The following CMSS1 variants were observed in gnomAD, a reference collection of about 807,000 sequenced individuals.
CMSS1 encodes the protein protein CMSS1.
CMSS1 carries 33 observed loss-of-function variants against 43.5 expected under a neutral mutation model. The ratio of observed to expected loss-of-function variants is 0.76; its 90% CI spans 0.57 to 1.01. The LOEUF is 1.01. Ranked by LOEUF, CMSS1 falls within the 50% of genes least tolerant of loss-of-function variation. The pLI is 0.00. For missense variants in CMSS1, 313 were observed against 326.4 expected (o/e 0.96, Z 0.32); for synonymous variants, 115 against 117.2 (o/e 0.98, Z 0.12).
At chr3:100,057,447 T>C (rs1263085667) in intron 1 of CMSS1, among the ~76,000 whole-genome samples, 1 of 152,226 alleles carries the variant, frequency 6.6e-6, no homozygotes, top group Non-Finnish European at 1.5e-5. Context: ...TAAATTGGAA[T>C]GGACAGAGTT....
intron 1 of CMSS1, among the ~76,000 whole-genome samples, chr3:100,024,891 A>T (rs17392822): frequency 3.9e-5 from 6 of 152,164 alleles, no homozygotes; most frequent in African/African-American, 1.4e-4. Flanking sequence ...CTTTCAAGCT[A>T]TCAGGGCACC....
Position 100,167,786 on chromosome 3 carries a change from C to A in CMSS1, c.464C>A (p.Ser155Ter). Residue 155 changes from serine to a stop codon, truncating the protein, a stop_gained, in exon 6 of 10, where the codon TCG becomes TAG. Coordinates refer to ENST00000421999, the MANE Select transcript of CMSS1 (RefSeq NM_032359.4). LOFTEE classifies it high-confidence loss of function. ...KLRKNHSEKK[S>*]VLMLIICSSA... ...AGGAAGAACCACAGTGAGAAGAAAT[C>A]GGTCCTGATGCTGATCATCTGCAGC... 6.2e-7 allele frequency: 1 copy of A among 1,613,226 alleles called. No homozygotes were observed.
intron 1 of CMSS1, among the ~76,000 whole-genome samples, chr3:100,131,075 G>T (rs1420160908): frequency 6.6e-6 from 1 of 152,216 alleles, no homozygotes; most frequent in African/African-American, 2.4e-5. Flanking sequence ...GAATTCACTT[G>T]TGTGCCAGAC....
chr3:100,050,220 T>G (rs1421558894), intron 1 of CMSS1, among the ~76,000 whole-genome samples: 2 of 152,176 alleles, frequency 1.3e-5, no homozygotes, highest in East Asian at 3.8e-4. Flanking sequence ...GAAGAATCCT[T>G]CTTAAAAATA....
At chr3:99,992,798 A>G (rs967424469) in intron 1 of CMSS1, among the ~76,000 whole-genome samples, 5 of 152,068 alleles carry the variant, frequency 3.3e-5, no homozygotes, top group African/African-American at 1.2e-4. Flanking sequence ...ATGGTTTCAG[A>G]TCTTACATTT....
At chr3:100,075,669 AT>A (rs1428779922) in intron 1 of CMSS1, 8 of 151,900 alleles carry the variant, frequency 5.3e-5, no homozygotes. Context: ...AACATCTATA[AT>A]ATAAATTCTC....
At chr3:100,171,941 C>T (rs2067113751) in intron 7 of CMSS1, 42 bp downstream of exon 7, 1 of 1,487,804 alleles carries the variant, frequency 6.7e-7, no homozygotes, top group South Asian at 1.1e-5. Context: ...CTCTCCCAGA[C>T]CTCAGCTTTT....
At chr3:100,168,273 G>GAATCATCATT (rs2067081061) in intron 6 of CMSS1, among the ~76,000 whole-genome samples, 1 of 152,148 alleles carries the variant, frequency 6.6e-6, no homozygotes, top group African/African-American at 2.4e-5. Context: ...TACTTGATCT[G>GAATCATCATT]AATCATCATT....
chr3:100,040,851 G>A (rs1220911489), intron 1 of CMSS1: 1 of 152,190 alleles, frequency 6.6e-6, no homozygotes, highest in Non-Finnish European at 1.5e-5. Context: ...CTTTGTCAGT[G>A]GCTGGGTAGA....
At chr3:100,125,912 C>T (rs2066658590) in intron 1 of CMSS1, among the ~76,000 whole-genome samples, 1 of 152,082 alleles carries the variant, frequency 6.6e-6, no homozygotes, top group Non-Finnish European at 1.5e-5. Context: ...GAAAATGGTG[C>T]TCTGGAACAA....
intron 1 of CMSS1, among the ~76,000 whole-genome samples, chr3:100,063,381 T>C (rs1313764502): frequency 6.6e-6 from 1 of 152,214 alleles, no homozygotes; most frequent in African/African-American, 2.4e-5. Flanking sequence ...TTACTATATA[T>C]CTGAATTATT....
rs1309185731 is a variant in CMSS1, at chr3:100,042,643, A to G, written c.65-104330A>G. On this transcript the variant is annotated intron_variant, in intron 1 of 9. Transcript: ENST00000421999. Reference sequence around the variant, plus strand: ...TTCCAACCATGCCAGATGATACTGTATTTACTGAAGAATTTTATTGCCTTT... The same window carrying G: ...TTCCAACCATGCCAGATGATACTGTGTTTACTGAAGAATTTTATTGCCTTT... Among the ~76,000 whole-genome samples, 4 of 152,234 alleles carry G rather than the reference A, an allele frequency of 2.6e-5. 1 individual carries two copies. Among genetic ancestry groups the G allele is most frequent in the Non-Finnish European group, 1.5e-5 (1 of 68,038 alleles).
At chr3:99,941,331 T>C (rs982862476) in intron 1 of CMSS1, among the ~76,000 whole-genome samples, 1 of 152,226 alleles carries the variant, frequency 6.6e-6, no homozygotes, top group Admixed American at 6.5e-5. Flanking sequence ...TAGGAAATAC[T>C]GTAAATAATG....
At chr3:99,878,345 C>T (rs1244075921) in intron 1 of CMSS1, among the ~76,000 whole-genome samples, 1 of 152,220 alleles carries the variant, frequency 6.6e-6, no homozygotes, top group African/African-American at 2.4e-5. Context: ...TGATATGATC[C>T]ATTCTTTTCA....
chr3:99,874,696 C>T (rs1042964575), intron 1 of CMSS1, among the ~76,000 whole-genome samples: 2 of 152,136 alleles, frequency 1.3e-5, no homozygotes, highest in Non-Finnish European at 2.9e-5. Flanking sequence ...TTTTAAAAAC[C>T]ATCCAACAGA....
At chr3:100,145,088 C>T (rs2066837134) in intron 1 of CMSS1, among the ~76,000 whole-genome samples, 1 of 152,110 alleles carries the variant, frequency 6.6e-6, no homozygotes, top group Admixed American at 6.6e-5. Flanking sequence ...TGTTAATCTG[C>T]CTGCTATTTT....
intron 1 of CMSS1, among the ~76,000 whole-genome samples, chr3:100,092,431 T>C (rs1291326558): frequency 4.6e-5 from 7 of 152,066 alleles, no homozygotes; most frequent in Admixed American, 2.0e-4. Flanking sequence ...TTGGCTTTTT[T>C]TTAACATGGA....
intron 4 of CMSS1, among the ~76,000 whole-genome samples, chr3:100,163,781 G>A (rs555941395): frequency 6.6e-6 from 1 of 152,118 alleles, no homozygotes; most frequent in Non-Finnish European, 1.5e-5. Context: ...GGAAATAGAT[G>A]TTGTCATAAA....
chr3:100,098,937 GCCA>G (rs2066259006), intron 1 of CMSS1, among the ~76,000 whole-genome samples: 1 of 152,196 alleles, frequency 6.6e-6, no homozygotes, highest in African/African-American at 2.4e-5. Context: ...TATAAATAAT[GCCA>G]GTTAAGATGG....
Sources: gnomAD v4.1 joint callset for allele counts (sites outside exome capture counted in the v4.1 genomes callset) on GRCh38, gnomAD v4.1.1 for gene constraint, MANE v1.5 for transcripts, NCBI Gene and HGNC (gene_info 2026-07-23, HGNC 2026-07-21) for gene names.